Variants in SDK1 observed in about 807,000 individuals in gnomAD.
SDK1 encodes protein sidekick-1.
Under a neutral mutation model 245.5 loss-of-function variants are expected in SDK1, and 157 were observed. That is an observed-to-expected ratio of 0.64 (90% confidence interval 0.56 to 0.73). SDK1 has a LOEUF of 0.73. Ranked by LOEUF, SDK1 falls within the 30% of genes least tolerant of loss-of-function variation. The pLI, the probability that SDK1 is intolerant of heterozygous loss-of-function variation, is 0.00. For missense variants in SDK1, 3,583 were observed against 3,002.3 expected (o/e 1.19, Z -4.52); for synonymous variants, 1,647 against 1,278.5 (o/e 1.29, Z -6.15).
chr7:4,203,954 C>T (rs898679045), intron 35 of SDK1, among the ~76,000 whole-genome samples: 3 of 152,234 alleles, frequency 2.0e-5, no homozygotes, highest in East Asian at 1.9e-4. Flanking sequence ...TCGTCTCCAC[C>T]CCAGAGAAAG....
chr7:3,436,916 A>G (rs1396664052), intron 1 of SDK1, among the ~76,000 whole-genome samples: 1 of 152,164 alleles, frequency 6.6e-6, no homozygotes, highest in African/African-American at 2.4e-5. Flanking sequence ...TCTTTACCTC[A>G]TTATTTATTT....
chr7:3,890,630 G>A (rs1464312476), intron 5 of SDK1, among the ~76,000 whole-genome samples: 2 of 150,508 alleles, frequency 1.3e-5, no homozygotes, highest in Non-Finnish European at 3.0e-5. Context: ...TATTGTATTT[G>A]TTTTTGCTGT....
Position 3,962,777 on chromosome 7 carries a change from A to T in SDK1, c.1355A>T (p.Asp452Val). 6.2e-7 allele frequency: 1 copy of T among 1,613,634 alleles called. No homozygotes were observed. The highest frequency in any genetic ancestry group is 8.5e-7 in the Non-Finnish European group (1 of 1,179,842). The change falls in exon 9 of 45, where the codon GAC becomes GTC. Residue 452 changes from aspartate to valine, a missense_variant. Transcript: ENST00000404826. ...CGCATCCAGAAGCTGCGTCCAGAGG[A>T]CTCCGGAATCTTCCAGTGCTTCGCC... The part of the protein sequence containing the change: ...GLRIQKLRPE[D>V]SGIFQCFASN...
chr7:4,004,620 C>G (rs1785322922), intron 14 of SDK1, among the ~76,000 whole-genome samples: 1 of 152,160 alleles, frequency 6.6e-6, no homozygotes, highest in Admixed American at 6.5e-5. Context: ...ATAGCTCCAA[C>G]AACCAGTAAC....
At chr7:3,606,657 C>T (rs1170381731) in intron 1 of SDK1, among the ~76,000 whole-genome samples, 4 of 152,176 alleles carry the variant, frequency 2.6e-5, no homozygotes, top group Non-Finnish European at 4.4e-5. Flanking sequence ...CTCTCTTCAT[C>T]AGCTGCTTCC....
intron 1 of SDK1, among the ~76,000 whole-genome samples, chr7:3,578,034 C>T (rs1176988999): frequency 1.3e-5 from 2 of 152,030 alleles, no homozygotes; most frequent in East Asian, 1.9e-4. Context: ...CTTTCTTTTC[C>T]TCCTTCCCTT....
chr7:3,712,670 G>T (rs115787463), intron 4 of SDK1, among the ~76,000 whole-genome samples: 1 of 152,156 alleles, frequency 6.6e-6, no homozygotes, highest in Non-Finnish European at 1.5e-5. Flanking sequence ...TTCCTGAAGC[G>T]CATGGCAGTG....
At chr7:3,753,598 G>A (rs1173719932) in intron 4 of SDK1, among the ~76,000 whole-genome samples, 1 of 152,214 alleles carries the variant, frequency 6.6e-6, no homozygotes. Context: ...AAGTCTGGGA[G>A]CCTTAAGGGT....
In SDK1 at chr7:3,693,965, C is replaced by G. The variant is rs114982052; in HGVS notation, c.713+51860C>G. Among the ~76,000 whole-genome samples, 547 of 152,318 alleles carry G rather than the reference C, an allele frequency of 3.6e-3. 5 individuals carry two copies. Among genetic ancestry groups the G allele is most frequent in the African/African-American group, 0.013 (522 of 41,574 alleles). Reference sequence around the variant, plus strand: ...ACTCAGCTGCATGCTGCCTTGCTCCCTCACTCGTCCCACCTGCATGTGACT... The same window carrying G: ...ACTCAGCTGCATGCTGCCTTGCTCCGTCACTCGTCCCACCTGCATGTGACT... On this transcript the variant is annotated intron_variant, in intron 4 of 44. Transcript: ENST00000404826.
At chr7:4,068,038 C>A (rs1046142604) in intron 20 of SDK1, 102 bp downstream of exon 20, 2 of 777,858 alleles carry the variant, frequency 2.6e-6, no homozygotes, top group African/African-American at 3.5e-5. Flanking sequence ...GGACCCGTGC[C>A]CATGGCCTTC....
rs908857085 is a variant in SDK1, at chr7:4,000,207, G to T, written c.2132-10759G>T. 2.0e-5 allele frequency among the ~76,000 whole-genome samples: 3 copies of T among 152,234 alleles called. No homozygotes were observed. In the East Asian group the frequency reaches 5.8e-4, roughly 29 times the overall value. ...TGCTGAGGAAACCGGTCTGGGAAGA[G>T]CATCTGTGAGCTTGACTAGAGCATG... On this transcript the variant is annotated intron_variant, in intron 14 of 44. Transcript: ENST00000404826.
chr7:3,453,202 G>T (rs73294809), intron 1 of SDK1, among the ~76,000 whole-genome samples: 2 of 152,150 alleles, frequency 1.3e-5, no homozygotes, highest in African/African-American at 2.4e-5. Flanking sequence ...AGCAGAGCCA[G>T]TGCCTTGCAC....
At chr7:4,234,439 G>C (rs1482010001) in intron 41 of SDK1, among the ~76,000 whole-genome samples, 1 of 152,184 alleles carries the variant, frequency 6.6e-6, no homozygotes, top group Non-Finnish European at 1.5e-5. Flanking sequence ...GACACACAGG[G>C]TGGGGGCTGT....
intron 1 of SDK1, among the ~76,000 whole-genome samples, chr7:3,607,093 G>A (rs1562597828): frequency 1.3e-5 from 2 of 151,936 alleles, no homozygotes; most frequent in East Asian, 3.9e-4. Context: ...AAGTGAAGTG[G>A]TTTGTGAAGC....
intron 1 of SDK1, among the ~76,000 whole-genome samples, chr7:3,587,839 A>T (rs1044903344): frequency 1.3e-5 from 2 of 152,224 alleles, no homozygotes; most frequent in Non-Finnish European, 2.9e-5. Flanking sequence ...TCTAAATTGT[A>T]AGCTGCTCCA....
At chr7:3,511,247 A>G (rs1782570358) in intron 1 of SDK1, among the ~76,000 whole-genome samples, 1 of 152,184 alleles carries the variant, frequency 6.6e-6, no homozygotes, top group Non-Finnish European at 1.5e-5. Context: ...ATAATTTAGT[A>G]CTTCTGAAAA....
At chr7:3,741,414 A>G (rs1325527961) in intron 4 of SDK1, among the ~76,000 whole-genome samples, 2 of 152,056 alleles carry the variant, frequency 1.3e-5, no homozygotes, top group East Asian at 3.9e-4. Context: ...GGAATCGTGC[A>G]CCCCACTGGC....
chr7:3,607,430 A>G (rs972342314), intron 1 of SDK1, among the ~76,000 whole-genome samples: 2 of 152,196 alleles, frequency 1.3e-5, no homozygotes, highest in African/African-American at 4.8e-5. Flanking sequence ...TTTCCTGTTT[A>G]TCTCCCTAAA....
chr7:3,844,595 T>C (rs528373832), intron 5 of SDK1, among the ~76,000 whole-genome samples: 1 of 152,292 alleles, frequency 6.6e-6, no homozygotes, highest in South Asian at 2.1e-4. Context: ...TGAAACTGAA[T>C]TTTACTACAC....
Sources: allele counts gnomAD v4.1 joint callset (sites outside exome capture counted in the v4.1 genomes callset), GRCh38; gene constraint gnomAD v4.1.1; transcripts MANE v1.5; gene names NCBI Gene and HGNC (gene_info 2026-07-23, HGNC 2026-07-21).